NAMPT: variants seen among roughly 807,000 people sequenced by gnomAD.
The protein encoded by NAMPT is nicotinamide phosphoribosyltransferase.
NAMPT carries 7 observed loss-of-function variants against 58.7 expected under a neutral mutation model. The ratio of observed to expected loss-of-function variants is 0.12; its 90% CI spans 0.07 to 0.22. The LOEUF (loss-of-function observed/expected upper bound fraction) is 0.22. Ranked by LOEUF, NAMPT falls within the 10% of genes least tolerant of loss-of-function variation. NAMPT has a pLI of 1.00. For synonymous variants in NAMPT, 145 were observed against 198.1 expected, an observed-to-expected ratio of 0.73 and a Z score of 2.25; for missense variants, 271 against 567.9, an observed-to-expected ratio of 0.48 and a Z score of 5.31.
intron 1 of NAMPT, among the ~76,000 whole-genome samples, chr7:106,279,650 C>G (rs1198810744): frequency 6.6e-6 from 1 of 152,164 alleles, no homozygotes; most frequent in Non-Finnish European, 1.5e-5. Context: ...ATAAATACTT[C>G]ATTCACAAAT....
intron 5 of NAMPT, 95 bp downstream of exon 5, chr7:106,269,059 C>T: frequency 8.3e-7 from 1 of 1,199,884 alleles, no homozygotes; most frequent in South Asian, 1.5e-5. Context: ...AATTTTAGAA[C>T]CAAGATCAAT....
At chr7:106,264,215 G>T (rs971679755) in intron 6 of NAMPT, among the ~76,000 whole-genome samples, 2 of 151,962 alleles carry the variant, frequency 1.3e-5, no homozygotes, top group African/African-American at 4.8e-5. Flanking sequence ...TTTGTTTGCA[G>T]ATTATCTACT....
chr7:106,271,235 T>C (rs1180539195), intron 4 of NAMPT, among the ~76,000 whole-genome samples: 1 of 152,168 alleles, frequency 6.6e-6, no homozygotes, highest in Non-Finnish European at 1.5e-5. Context: ...CATTTTTCAC[T>C]TTTATGCTGC....
chr7:106,254,627 ATAAT>A (rs1792167823), intron 8 of NAMPT, 123 bp from the exon 9 acceptor site: 1 of 1,084,858 alleles, frequency 9.2e-7, no homozygotes, highest in Non-Finnish European at 1.3e-6. Context: ...CGGTCAATAA[ATAAT>A]TATAGCCCGC....
chr7:106,269,730 T>G (rs570861561), intron 4 of NAMPT, among the ~76,000 whole-genome samples: 2 of 152,218 alleles, frequency 1.3e-5, no homozygotes, highest in African/African-American at 4.8e-5. Flanking sequence ...ATGCTTACTC[T>G]TCATTTCTGT....
intron 7 of NAMPT, among the ~76,000 whole-genome samples, chr7:106,262,781 G>GTT (rs566528939): frequency 6.6e-6 from 1 of 150,440 alleles, no homozygotes; most frequent in Non-Finnish European, 1.5e-5. Context: ...ATTTATCACT[G>GTT]TTTTTTTTTG....
intron 4 of NAMPT, chr7:106,272,091 G>C (rs1383134310): frequency 2.6e-6 from 1 of 383,808 alleles, no homozygotes; most frequent in Admixed American, 4.0e-5. Flanking sequence ...ACAGATGGTA[G>C]ATCCTAAGAC....
At chr7:106,260,254 T>A (rs191978456) in intron 8 of NAMPT, among the ~76,000 whole-genome samples, 3 of 152,346 alleles carry the variant, frequency 2.0e-5, no homozygotes, top group Admixed American at 1.3e-4. Context: ...TCTGGGTAAC[T>A]TGCAGCAGCT....
chr7:106,269,980 A>G (rs1792500769), intron 4 of NAMPT, among the ~76,000 whole-genome samples: 1 of 152,224 alleles, frequency 6.6e-6, no homozygotes, highest in Admixed American at 6.5e-5. Context: ...AGTATTTGAT[A>G]AAATACTCAC....
Position 106,261,686 on chromosome 7 carries a change from T to G in NAMPT, c.991A>C (p.Lys331Gln), listed in dbSNP as rs763166942. ...TTTGAGTTCTCAGTAACAGGAAACT[T>G]CTTACCTAAAATCTCCAAAACCTAT... ...VLKVLEILGK[K>Q]FPVTENSKGY... Residue 331 changes from lysine to glutamine, a missense_variant, in exon 8 of 11, where the codon AAG becomes CAG. By Grantham distance (53) the Lys-to-Gln change is moderately conservative. This residue lies in a region of NAMPT where 143 missense variants were observed against 331.1 expected (regional missense o/e 0.43). Transcript: ENST00000222553. 6.2e-7 allele frequency: 1 copy of G among 1,605,290 alleles called. No individual in the cohort carries two copies. Among genetic ancestry groups the G allele is most frequent in the Non-Finnish European group, 8.5e-7 (1 of 1,172,306 alleles).
chr7:106,261,531 TAAAC>T (rs746325624), intron 8 of NAMPT, 53 bp downstream of exon 8: 415 of 1,341,220 alleles, frequency 3.1e-4, no homozygotes, highest in African/African-American at 6.2e-4. Context: ...TTATCAAACA[TAAAC>T]AAACTTAATT....
chr7:106,275,562 A>G (rs1283834998), intron 2 of NAMPT: 1 of 152,536 alleles, frequency 6.6e-6, no homozygotes, highest in Non-Finnish European at 1.5e-5. Flanking sequence ...TTGTGAGGAC[A>G]AAATGAGTTA....
upstream of NAMPT, chr7:106,285,070 CGG>C: frequency 7.4e-7 from 1 of 1,353,076 alleles, no homozygotes; most frequent in Non-Finnish European, 9.6e-7. Context: ...TGACGCGGCG[CGG>C]GTGACGGCTG....
chr7:106,261,795 TAATC>T (rs944556305), intron 7 of NAMPT, 88 bp from the exon 8 acceptor site: 3 of 1,359,794 alleles, frequency 2.2e-6, no homozygotes, highest in Non-Finnish European at 3.1e-6. Context: ...TTTGCTTTGA[TAATC>T]GAGAATATAA....
intron 3 of NAMPT, among the ~76,000 whole-genome samples, chr7:106,273,977 G>A (rs1792586373): frequency 6.6e-6 from 1 of 151,680 alleles, no homozygotes; most frequent in South Asian, 2.1e-4. Context: ...TCAACATCAA[G>A]ATACGCCAAC....
upstream of NAMPT, chr7:106,285,459 C>T: frequency 1.2e-6 from 1 of 837,476 alleles, no homozygotes; most frequent in Non-Finnish European, 1.4e-6. Context: ...TTTTCTGGGT[C>T]CTCCTGAAGT....
intron 1 of NAMPT, among the ~76,000 whole-genome samples, chr7:106,280,420 T>C (rs149806176): frequency 1.3e-5 from 2 of 152,334 alleles, no homozygotes; most frequent in East Asian, 3.9e-4. Flanking sequence ...TTCATAGTAT[T>C]CTAAAGTTAA....
chr7:106,284,766 T>G, intron 1 of NAMPT, 62 bp downstream of exon 1: 4 of 220,014 alleles, frequency 1.8e-5, no homozygotes, highest in Non-Finnish European at 2.7e-5. Flanking sequence ...CCCGCCCCCC[T>G]GCCGCGCGCT....
intron 3 of NAMPT, among the ~76,000 whole-genome samples, chr7:106,274,594 C>A (rs1442906488): frequency 6.6e-6 from 1 of 152,184 alleles, no homozygotes; most frequent in Non-Finnish European, 1.5e-5. Context: ...GTGGCTCACA[C>A]CTGTAATCCC....
Sources: gnomAD v4.1 joint callset for allele counts (sites outside exome capture counted in the v4.1 genomes callset) on GRCh38, gnomAD v4.1.1 for gene constraint, gnomAD v4.1.1 regional missense constraint, MANE v1.5 for transcripts, NCBI Gene and HGNC (gene_info 2026-07-23, HGNC 2026-07-21) for gene names.